The following LSAMP variants were observed in gnomAD, a reference collection of about 807,000 sequenced individuals.
LSAMP encodes the protein limbic system-associated membrane protein.
Under a neutral mutation model 38.6 loss-of-function variants are expected in LSAMP, and 7 were observed. The ratio of observed to expected loss-of-function variants is 0.18; its 90% CI spans 0.10 to 0.34. The LOEUF is 0.34. Ranked by LOEUF, LSAMP falls within the 10% of genes least tolerant of loss-of-function variation. The pLI is 1.00. For missense variants in LSAMP, 313 were observed against 420.0 expected, an observed-to-expected ratio of 0.75 and a Z score of 2.23; for synonymous variants, 154 against 166.8, an observed-to-expected ratio of 0.92 and a Z score of 0.59.
intron 3 of LSAMP, among the ~76,000 whole-genome samples, chr3:115,977,429 C>A (rs1939221453): frequency 6.6e-6 from 1 of 152,100 alleles, no homozygotes; most frequent in South Asian, 2.1e-4. Flanking sequence ...TAGGATCTAC[C>A]TTTCTAAAGC....
intron 1 of LSAMP, among the ~76,000 whole-genome samples, chr3:116,348,088 C>T (rs941876129): frequency 6.6e-6 from 1 of 152,028 alleles, no homozygotes; most frequent in South Asian, 2.1e-4. Context: ...AATCCTTCCA[C>T]TCTCGAAATT....
chr3:116,417,464 T>A (rs903556183), intron 1 of LSAMP, among the ~76,000 whole-genome samples: 1 of 152,208 alleles, frequency 6.6e-6, no homozygotes, highest in Non-Finnish European at 1.5e-5. Flanking sequence ...AGTTTGGCTC[T>A]TGTTATCAGC....
chr3:115,921,983 A>T (rs564014893), intron 3 of LSAMP, among the ~76,000 whole-genome samples: 31 of 152,150 alleles, frequency 2.0e-4, no homozygotes, highest in African/African-American at 6.5e-4. Flanking sequence ...TCAAAATTTT[A>T]TCTGTTTCTG....
At chr3:116,037,612 A>T (rs1295668403) in intron 2 of LSAMP, among the ~76,000 whole-genome samples, 1 of 152,158 alleles carries the variant, frequency 6.6e-6, no homozygotes, top group Admixed American at 6.6e-5. Context: ...TTGGGTATAT[A>T]TGCTTAGAAT....
chr3:116,076,207 G>T (rs1015360558), intron 2 of LSAMP, among the ~76,000 whole-genome samples: 4 of 151,936 alleles, frequency 2.6e-5, no homozygotes, highest in African/African-American at 9.7e-5. Flanking sequence ...AATATGTTTT[G>T]CAGATGTAGT....
chr3:116,349,484 T>TACAC (rs59773081), intron 1 of LSAMP, among the ~76,000 whole-genome samples: 23 of 149,150 alleles, frequency 1.5e-4, no homozygotes, highest in East Asian at 9.8e-4. Context: ...CCAAAAAAAC[T>TACAC]ACACACACAC....
chr3:116,150,589 G>T (rs184086004), intron 1 of LSAMP, among the ~76,000 whole-genome samples: 27 of 152,070 alleles, frequency 1.8e-4, no homozygotes, highest in African/African-American at 6.3e-4. Flanking sequence ...AAGCTAGAGT[G>T]GGGAAAAGGA....
rs1708722585 is a variant in LSAMP, at chr3:116,115,597, ACTT to A, written c.156-29044_156-29042del. ...TTTTGGTAGAAAACATCCTCCAGTG[ACTT>A]CTTAAGATTTGTGAGATAGAAATTA... On this transcript the variant is annotated intron_variant, in intron 1 of 6. Transcript: ENST00000490035. 2.0e-5 allele frequency among the ~76,000 whole-genome samples: 3 copies of A among 152,198 alleles called. No homozygotes were observed. In the South Asian group the frequency reaches 6.2e-4, roughly 32 times the overall value.
chr3:116,180,331 T>C (rs924405010), intron 1 of LSAMP, among the ~76,000 whole-genome samples: 1 of 151,956 alleles, frequency 6.6e-6, no homozygotes, highest in Non-Finnish European at 1.5e-5. Flanking sequence ...GAGAGTTCAT[T>C]ACCTGAATGT....
chr3:116,268,214 A>AT (rs2046918422), intron 1 of LSAMP, among the ~76,000 whole-genome samples: 1 of 151,884 alleles, frequency 6.6e-6, no homozygotes, highest in Non-Finnish European at 1.5e-5. Context: ...TTAAAAAAAA[A>AT]ATGTGTGTGT....
chr3:115,848,996 A>T (rs1326952111), intron 4 of LSAMP, among the ~76,000 whole-genome samples: 1 of 152,216 alleles, frequency 6.6e-6, no homozygotes, highest in African/African-American at 2.4e-5. Flanking sequence ...TCAAGCTCAA[A>T]AGTAGTTACA....
intron 4 of LSAMP, 134 bp from the exon 5 acceptor site, chr3:115,842,712 A>C: frequency 9.1e-7 from 1 of 1,093,672 alleles, no homozygotes; most frequent in Non-Finnish European, 1.3e-6. Flanking sequence ...CATTTGTATG[A>C]ATTATGTGAT....
intron 1 of LSAMP, among the ~76,000 whole-genome samples, chr3:116,428,312 G>C (rs930278977): frequency 6.6e-6 from 1 of 152,100 alleles, no homozygotes; most frequent in African/African-American, 2.4e-5. Context: ...AGAAAAATTA[G>C]CTGGGCTTGG....
At chr3:116,437,997 G>A (rs556147168) in intron 1 of LSAMP, among the ~76,000 whole-genome samples, 1 of 135,576 alleles carries the variant, frequency 7.4e-6, no homozygotes, top group South Asian at 2.4e-4. Context: ...GAAGTAAAGT[G>A]TTTTATTTTG....
chr3:116,296,436 T>C (rs771446585), intron 1 of LSAMP, among the ~76,000 whole-genome samples: 8 of 151,694 alleles, frequency 5.3e-5, no homozygotes, highest in Admixed American at 1.3e-4. Context: ...AAGAAACCCA[T>C]ATTGGGAGGC....
intron 6 of LSAMP, among the ~76,000 whole-genome samples, chr3:115,822,418 T>C (rs1429774694): frequency 6.7e-6 from 1 of 149,412 alleles, no homozygotes; most frequent in African/African-American, 2.5e-5. Context: ...TGGAGTGCAA[T>C]GGCCCGATCT....
chr3:115,968,496 G>A (rs1938901512), intron 3 of LSAMP, among the ~76,000 whole-genome samples: 1 of 152,146 alleles, frequency 6.6e-6, no homozygotes, highest in African/African-American at 2.4e-5. Flanking sequence ...CATCCAGAAG[G>A]TAGGACCTGG....
intron 3 of LSAMP, among the ~76,000 whole-genome samples, chr3:115,954,065 GTTTA>G (rs1426918852): frequency 1.3e-5 from 2 of 152,074 alleles, no homozygotes; most frequent in Non-Finnish European, 2.9e-5. Flanking sequence ...AGAGTATCTT[GTTTA>G]TTTGTTTTTT....
chr3:116,027,964 C>A (rs1196739132), intron 2 of LSAMP, among the ~76,000 whole-genome samples: 7 of 152,160 alleles, frequency 4.6e-5, no homozygotes, highest in African/African-American at 1.4e-4. Context: ...GGTGTATACA[C>A]TACTGTGTAT....
Sources: allele counts gnomAD v4.1 joint callset (sites outside exome capture counted in the v4.1 genomes callset), GRCh38; gene constraint gnomAD v4.1.1; transcripts MANE v1.5; gene names NCBI Gene and HGNC (gene_info 2026-07-23, HGNC 2026-07-21).